STPG2: variants seen among roughly 807,000 people sequenced by gnomAD.
STPG2 encodes sperm tail PG-rich repeat containing 2, also known as sperm-tail PG-rich repeat-containing protein 2.
In STPG2, 56 loss-of-function variants were observed where a neutral mutation model predicts 54.2. That is an observed-to-expected ratio of 1.03 (90% CI 0.83 to 1.29). The LOEUF (loss-of-function observed/expected upper bound fraction) is 1.29. Ranked by LOEUF, STPG2 falls within the 50% of genes most tolerant of loss-of-function variation. STPG2 has a pLI of 0.00. For synonymous variants in STPG2, 200 were observed against 181.8 expected (o/e 1.10, Z -0.81); for missense variants, 596 against 544.9 (o/e 1.09, Z -0.93).
intron 2 of STPG2, among the ~76,000 whole-genome samples, chr4:98,133,551 T>C (rs1260800983): frequency 2.0e-5 from 3 of 152,056 alleles, no homozygotes; most frequent in Non-Finnish European, 4.4e-5. Context: ...AGAATTTCTA[T>C]GTTTAAAGAA....
intron 9 of STPG2, among the ~76,000 whole-genome samples, chr4:97,839,144 C>T (rs909791943): frequency 1.3e-5 from 2 of 151,486 alleles, no homozygotes; most frequent in Admixed American, 6.6e-5. Flanking sequence ...TAGGAAGAAA[C>T]ATGTTTCATA....
At chr4:97,885,160 T>TAGA (rs35671241) in intron 8 of STPG2, among the ~76,000 whole-genome samples, 39,845 of 151,978 alleles carry the variant, frequency 0.26, 5,667 homozygotes, top group Middle Eastern at 0.36. Context: ...AGTGTACATT[T>TAGA]AGAAGACTCC....
chr4:97,456,891 C>CAAAAAAAAAAAAAAAAAAA (rs57563048), intron 4 of STPG2, among the ~76,000 whole-genome samples: 6 of 48,882 alleles, frequency 1.2e-4, no homozygotes, highest in African/African-American at 4.6e-4. Flanking sequence ...TGCTCCGTCT[C>CAAAAAAAAAAAAAAAAAAA]AAAAAAAAAA....
At chr4:97,864,408 G>GTCTTC (rs1729682544) in intron 8 of STPG2, among the ~76,000 whole-genome samples, 1 of 152,094 alleles carries the variant, frequency 6.6e-6, no homozygotes, top group Non-Finnish European at 1.5e-5. Context: ...TCTTCAAGGA[G>GTCTTC]AACTACAAAC....
chr4:97,998,637 G>T (rs960807980), intron 5 of STPG2, among the ~76,000 whole-genome samples: 7 of 152,182 alleles, frequency 4.6e-5, no homozygotes, highest in Non-Finnish European at 8.8e-5. Context: ...TAATATTATT[G>T]TTTTGTAAGT....
At chr4:97,697,435 C>T (rs962931352) in intron 10 of STPG2, among the ~76,000 whole-genome samples, 4 of 152,134 alleles carry the variant, frequency 2.6e-5, no homozygotes, top group African/African-American at 7.2e-5. Context: ...CAGCTAGTAA[C>T]CCATTACAAT....
chr4:97,626,134 T>C (rs1335147022), intron 10 of STPG2, among the ~76,000 whole-genome samples: 2 of 152,206 alleles, frequency 1.3e-5, no homozygotes, highest in South Asian at 2.1e-4. Flanking sequence ...CATATTTACA[T>C]GTGTCTTAAT....
intron 5 of STPG2, among the ~76,000 whole-genome samples, chr4:98,044,412 C>T (rs1425105891): frequency 6.6e-6 from 1 of 152,170 alleles, no homozygotes; most frequent in African/African-American, 2.4e-5. Flanking sequence ...TCTTTGCCCT[C>T]CCTTCACACC....
intron 5 of STPG2, among the ~76,000 whole-genome samples, chr4:98,045,244 A>C (rs1737089378): frequency 6.6e-6 from 1 of 152,102 alleles, no homozygotes; most frequent in Non-Finnish European, 1.5e-5. Flanking sequence ...CTGTCCAAGC[A>C]CCTGAACAGA....
chr4:97,683,637 C>G (rs1337309971), intron 10 of STPG2, among the ~76,000 whole-genome samples: 1 of 151,652 alleles, frequency 6.6e-6, no homozygotes, highest in Non-Finnish European at 1.5e-5. Context: ...AAAATAACAT[C>G]TACAAAAAAC....
In STPG2 at chr4:97,656,784, T is replaced by C. The variant is rs1050580477; in HGVS notation, c.1320+55915A>G. 7.9e-5 allele frequency among the ~76,000 whole-genome samples: 12 copies of C among 151,890 alleles called. 3 individuals are homozygous for C. Among genetic ancestry groups the C allele is most frequent in the South Asian group, 2.1e-4 (1 of 4,796 alleles). ...ATGAGATTTAATTAAATTTTAAGAT[T>C]ACTAAATGAAAATTCAGCTCTATAG... On this transcript the variant is annotated intron_variant, in intron 10 of 10. Transcript: ENST00000295268.
chr4:97,544,480 G>C (rs1262717158), intron 4 of STPG2, among the ~76,000 whole-genome samples: 1 of 151,998 alleles, frequency 6.6e-6, no homozygotes, highest in Non-Finnish European at 1.5e-5. Flanking sequence ...AAATGTTCCA[G>C]AGGACTAGAA....
chr4:98,101,465 G>A (rs1313385023), intron 5 of STPG2, among the ~76,000 whole-genome samples: 2 of 152,038 alleles, frequency 1.3e-5, no homozygotes, highest in African/African-American at 2.4e-5. Flanking sequence ...TAAGCTGAGA[G>A]GTGTGAAGGA....
chr4:97,890,076 G>A (rs1730711802), intron 8 of STPG2, among the ~76,000 whole-genome samples: 1 of 152,080 alleles, frequency 6.6e-6, no homozygotes, highest in African/African-American at 2.4e-5. Context: ...TCTCAAAAGA[G>A]TAATCTTTTT....
In STPG2 at chr4:97,681,959, A is replaced by G. The variant is rs373392312; in HGVS notation, c.1320+30740T>C. ...AGCAATCATTGAGGAAGAAACATTT[A>G]TATCAATTACAATTGTTCTAAATGA... is the stretch of plus-strand genomic sequence containing the variant. On this transcript the variant is annotated intron_variant, in intron 10 of 10. Coordinates refer to ENST00000295268, the MANE Select transcript of STPG2 (RefSeq NM_174952.3). Among the ~76,000 whole-genome samples the G allele has an allele frequency of 2.0e-4, 31 of 151,920 alleles. No homozygotes were observed. In the South Asian group the frequency reaches 6.4e-3, roughly 31 times the overall value.
intron 10 of STPG2, among the ~76,000 whole-genome samples, chr4:97,616,637 A>T (rs570149961): frequency 5.3e-5 from 8 of 152,064 alleles, no homozygotes; most frequent in Non-Finnish European, 1.0e-4. Flanking sequence ...TTGCATGATA[A>T]CTGATTATTT....
intron 4 of STPG2, among the ~76,000 whole-genome samples, chr4:97,513,459 A>G (rs1416044203): frequency 6.6e-6 from 1 of 151,882 alleles, no homozygotes; most frequent in Non-Finnish European, 1.5e-5. Flanking sequence ...CCCTCTAATC[A>G]TGCATTGGTC....
chr4:97,900,288 G>T (rs901801735), intron 8 of STPG2, among the ~76,000 whole-genome samples: 1 of 152,110 alleles, frequency 6.6e-6, no homozygotes, highest in Non-Finnish European at 1.5e-5. Context: ...TGCTGACAAG[G>T]TTGCAGAAAA....
chr4:98,017,036 G>A (rs1294094984), intron 5 of STPG2, among the ~76,000 whole-genome samples: 3 of 152,202 alleles, frequency 2.0e-5, no homozygotes, highest in Admixed American at 1.3e-4. Context: ...CAGTGGGCAG[G>A]TAGGCCTGTT....
Sources: allele counts gnomAD v4.1 joint callset (sites outside exome capture counted in the v4.1 genomes callset), GRCh38; gene constraint gnomAD v4.1.1; transcripts MANE v1.5; gene names NCBI Gene and HGNC (gene_info 2026-07-23, HGNC 2026-07-21).